DPYD: variants seen among roughly 807,000 people sequenced by gnomAD.
DPYD encodes the protein dihydropyrimidine dehydrogenase.
Under a neutral mutation model 116.2 loss-of-function variants are expected in DPYD, and 109 were observed. The ratio of observed to expected loss-of-function variants is 0.94; its 90% CI spans 0.80 to 1.10. The LOEUF (loss-of-function observed/expected upper bound fraction) is 1.10. DPYD is among the 50% of genes least tolerant of loss of function. DPYD has a pLI of 0.00. For missense variants in DPYD, 1,302 were observed against 1,254.5 expected (o/e 1.04, Z -0.57); for synonymous variants, 440 against 432.0 (o/e 1.02, Z -0.23).
intron 11 of DPYD, among the ~76,000 whole-genome samples, chr1:97,568,782 C>A (rs1652701551): frequency 6.6e-6 from 1 of 152,016 alleles, no homozygotes; most frequent in Non-Finnish European, 1.5e-5. Context: ...TAACATGAAG[C>A]AAGTCAAGTC....
At chr1:97,643,131 TC>T (rs1264294240) in intron 8 of DPYD, among the ~76,000 whole-genome samples, 1 of 151,816 alleles carries the variant, frequency 6.6e-6, no homozygotes, top group Non-Finnish European at 1.5e-5. Flanking sequence ...AAAGAAACTA[TC>T]ACCAATGAAC....
At chr1:97,703,984 A>C (rs1661753904) in intron 5 of DPYD, among the ~76,000 whole-genome samples, 1 of 152,052 alleles carries the variant, frequency 6.6e-6, no homozygotes, top group East Asian at 1.9e-4. Flanking sequence ...TCGGCAATAC[A>C]TGAGGGCTCA....
chr1:97,237,584 A>G (rs1241992452), intron 18 of DPYD, among the ~76,000 whole-genome samples: 1 of 152,194 alleles, frequency 6.6e-6, no homozygotes, highest in East Asian at 1.9e-4. Flanking sequence ...TTTTAACCAT[A>G]AAAAGGCTAA....
intron 20 of DPYD, among the ~76,000 whole-genome samples, chr1:97,105,094 C>T (rs1310614728): frequency 2.6e-5 from 4 of 152,046 alleles, no homozygotes; most frequent in African/African-American, 9.7e-5. Context: ...ATTTAAATAA[C>T]TCATATCAGG....
chr1:97,556,374 C>CT (rs1651712376), intron 11 of DPYD, among the ~76,000 whole-genome samples: 4 of 146,668 alleles, frequency 2.7e-5, no homozygotes, highest in Admixed American at 2.7e-4. Context: ...TTTTATTATA[C>CT]TTTAAGTTTT....
intron 19 of DPYD, among the ~76,000 whole-genome samples, chr1:97,206,638 TTATATATATATATATATATA>T (rs57893705): frequency 0.16 from 7,803 of 48,960 alleles, 758 homozygotes; most frequent in African/African-American, 0.23. Flanking sequence ...CAGGGAGATT[TTATATATATATATATATATA>T]TATATATATA....
At chr1:97,392,593 T>G (rs943552954) in intron 14 of DPYD, among the ~76,000 whole-genome samples, 2 of 152,204 alleles carry the variant, frequency 1.3e-5, no homozygotes, top group South Asian at 2.1e-4. Flanking sequence ...CTCTTAAATC[T>G]CTAAAACTCA....
At chr1:97,588,363 G>C (rs1045455076) in intron 10 of DPYD, among the ~76,000 whole-genome samples, 6 of 151,960 alleles carry the variant, frequency 3.9e-5, no homozygotes, top group African/African-American at 7.2e-5. Flanking sequence ...TTGTGTGTGG[G>C]ATTGTGCTAT....
chr1:97,777,191 G>C (rs1181647361), intron 3 of DPYD, among the ~76,000 whole-genome samples: 1 of 151,948 alleles, frequency 6.6e-6, no homozygotes, highest in Non-Finnish European at 1.5e-5. Context: ...TTTTCACCCA[G>C]ATCATTTATA....
intron 20 of DPYD, among the ~76,000 whole-genome samples, chr1:97,149,435 TAG>T (rs895227546): frequency 1.3e-5 from 2 of 152,122 alleles, no homozygotes; most frequent in Non-Finnish European, 2.9e-5. Context: ...GTATTTTTAG[TAG>T]AGACAGGGTT....
chr1:97,734,911 G>A (rs1354980819), intron 4 of DPYD, among the ~76,000 whole-genome samples: 3 of 152,130 alleles, frequency 2.0e-5, no homozygotes, highest in Non-Finnish European at 4.4e-5. Flanking sequence ...ACCAGAAAGA[G>A]AAATTAAAAT....
At chr1:97,261,943 CTG>C (rs1274678422) in intron 18 of DPYD, among the ~76,000 whole-genome samples, 1 of 151,968 alleles carries the variant, frequency 6.6e-6, no homozygotes, top group Non-Finnish European at 1.5e-5. Context: ...ATTCACACCT[CTG>C]TGTGATTTCT....
At chr1:97,612,807 C>G (rs1656029644) in intron 8 of DPYD, among the ~76,000 whole-genome samples, 1 of 151,982 alleles carries the variant, frequency 6.6e-6, no homozygotes, top group Admixed American at 6.6e-5. Flanking sequence ...TATGCTGCCC[C>G]CAGTGCTGAG....
intron 14 of DPYD, among the ~76,000 whole-genome samples, chr1:97,401,311 T>TG (rs1673366024): frequency 6.6e-6 from 1 of 152,064 alleles, no homozygotes; most frequent in Non-Finnish European, 1.5e-5. Context: ...CGGAAGTTTT[T>TG]TTTTGTTTGT....
chr1:97,425,624 T>C (rs1486088460), intron 14 of DPYD, among the ~76,000 whole-genome samples: 2 of 152,104 alleles, frequency 1.3e-5, no homozygotes, highest in African/African-American at 2.4e-5. Context: ...ATGATTCATA[T>C]ATGGTTGGGA....
intron 2 of DPYD, among the ~76,000 whole-genome samples, chr1:97,872,284 C>T (rs1418977458): frequency 6.6e-6 from 1 of 151,776 alleles, no homozygotes. Flanking sequence ...CAGTTTAAAC[C>T]CTGAGTAGAT....
At chr1:97,710,539 G>C (rs1427386430) in intron 5 of DPYD, among the ~76,000 whole-genome samples, 1 of 151,672 alleles carries the variant, frequency 6.6e-6, no homozygotes, top group Non-Finnish European at 1.5e-5. Flanking sequence ...AATTATTACT[G>C]TATTAGTAAT....
chr1:97,192,054 T>C (rs866197768), intron 20 of DPYD, among the ~76,000 whole-genome samples: 2 of 152,046 alleles, frequency 1.3e-5, no homozygotes, highest in South Asian at 2.1e-4. Context: ...TTTATTTCTT[T>C]CCTCCTTTTC....
intron 14 of DPYD, among the ~76,000 whole-genome samples, chr1:97,394,868 G>A (rs1055400506): frequency 5.3e-5 from 8 of 152,054 alleles, no homozygotes; most frequent in African/African-American, 1.9e-4. Context: ...ATCTCAGGTA[G>A]TTCAATTTGG....
Sources: gnomAD v4.1 joint callset for allele counts (sites outside exome capture counted in the v4.1 genomes callset) on GRCh38, gnomAD v4.1.1 for gene constraint, MANE v1.5 for transcripts, NCBI Gene and HGNC (gene_info 2026-07-23, HGNC 2026-07-21) for gene names.